OXTR: variants seen among roughly 807,000 people sequenced by gnomAD.
OXTR encodes the protein oxytocin receptor.
OXTR carries 19 observed loss-of-function variants against 23.9 expected under a neutral mutation model. That is an observed-to-expected ratio of 0.80 (90% CI 0.56 to 1.17). The LOEUF (loss-of-function observed/expected upper bound fraction) is 1.17, where lower values mean the gene tolerates loss of function less well. OXTR is among the 50% of genes most tolerant of loss of function. The pLI, the probability that OXTR is intolerant of heterozygous loss-of-function variation, is 0.00. For synonymous variants in OXTR, 278 were observed against 250.5 expected, an observed-to-expected ratio of 1.11 and a Z score of -1.04; for missense variants, 500 against 550.7, an observed-to-expected ratio of 0.91 and a Z score of 0.92.
At position 8,753,116 on chromosome 3, in the gene OXTR, A is replaced by C; in HGVS notation, c.1031T>G (p.Phe344Cys). 6.2e-7 allele frequency: 1 copy of C among 1,614,152 alleles called. No homozygotes were observed. The highest frequency in any genetic ancestry group is 8.5e-7 in the Non-Finnish European group (1 of 1,180,026). ...GHLFHELVQRFLCCSASYLKG... is the reference protein window; with the variant it reads ...GHLFHELVQRCLCCSASYLKG... ...CAGGTAGCTGGCGGAGCAGCACAGG[A>C]AGCGCTGCACGAGTTCGTGGAAGAG... is the stretch of plus-strand genomic sequence containing the variant. Residue 344 changes from phenylalanine to cysteine, a missense_variant, in exon 4 of 4, where the codon TTC becomes TGC. Physicochemically the swap from Phe to Cys is radical, Grantham distance 205. Transcript: ENST00000316793.
chr3:8,745,849 G>A (rs1575478070), downstream of OXTR: 7 of 1,612,398 alleles, frequency 4.3e-6, no homozygotes, highest in Admixed American at 6.7e-5. This position sits in a 1 kb window ranked among gnomAD's most constrained non-coding sequence, Gnocchi z 4.8. Context: ...TCAAGGTGGT[G>A]CTGCGGAAGG....
downstream of OXTR, among the ~76,000 whole-genome samples, chr3:8,749,291 C>T (rs1422185057): frequency 2.0e-5 from 3 of 152,144 alleles, no homozygotes; most frequent in Admixed American, 6.5e-5. Flanking sequence ...CCAATGTACC[C>T]GCCAGAGCTT....
rs1194781809 is a variant in OXTR at position 8,768,125 on chromosome 3, C to G, written c.63G>C (p.Pro21=). Residue 21 remains proline (P), a synonymous_variant, in exon 3 of 4, where the codon CCG becomes CCC. Coordinates refer to ENST00000316793, the MANE Select transcript of OXTR (RefSeq NM_000916.4). This position sits in a 1 kb window ranked among gnomAD's most constrained non-coding sequence, Gnocchi z 5.4. The stretch of plus-strand genomic sequence containing the variant: ...CGGCGGTGCGGTTGCCCTCGGCCCC[C>G]GGCGGCGCGGCGCTGGCGTTGGCTG... ...AEAANASAAP[P]GAEGNRTAGP... The G allele has an allele frequency of 1.5e-6, 2 of 1,356,040 alleles. No homozygotes were observed. Among genetic ancestry groups the G allele is most frequent in the Non-Finnish European group, 1.9e-6 (2 of 1,062,334 alleles). 84.0% of individuals were successfully genotyped at this position (1,356,040 alleles called of 1,614,324 possible).
chr3:8,742,453 A>T, the OXTR span: 1 of 456,406 alleles, frequency 2.2e-6, no homozygotes, highest in Non-Finnish European at 4.4e-6. Context: ...TAAGTACTGT[A>T]CTTACTACTG....
At chr3:8,742,538 C>A in the OXTR span, 1 of 454,528 alleles carries the variant, frequency 2.2e-6, no homozygotes, top group Non-Finnish European at 4.4e-6. Flanking sequence ...ACTAAGTAGG[C>A]TGGAGAATAA....
intron 3 of OXTR, among the ~76,000 whole-genome samples, chr3:8,763,216 C>A (rs1048113161): frequency 6.6e-6 from 1 of 152,192 alleles, no homozygotes; most frequent in Non-Finnish European, 1.5e-5. Context: ...ATTCCCTCCA[C>A]CCAGGCTCAA....
At chr3:8,745,470 A>T, downstream of OXTR, 1 of 1,417,932 alleles carries the variant, frequency 7.1e-7, no homozygotes, top group Non-Finnish European at 1.0e-6. The surrounding 1 kb of genome is among the most constrained non-coding windows in gnomAD (Gnocchi z 4.8). Context: ...CACACCCAAA[A>T]GCTTGAGAAG....
chr3:8,758,216 G>A (rs1488217909), intron 3 of OXTR, among the ~76,000 whole-genome samples: 1 of 151,998 alleles, frequency 6.6e-6, no homozygotes, highest in Non-Finnish European at 1.5e-5. Flanking sequence ...CTTTCCTCAA[G>A]CCCCAAGAAC....
At chr3:8,765,947 C>T (rs947925151) in intron 3 of OXTR, among the ~76,000 whole-genome samples, 17 of 152,254 alleles carry the variant, frequency 1.1e-4, no homozygotes, top group Admixed American at 1.1e-3. Context: ...TCAGAAAGGA[C>T]CAAAGCAAAG....
At chr3:8,743,153 GA>G in the OXTR span, among the ~76,000 whole-genome samples, 22 of 152,252 alleles carry the variant, frequency 1.4e-4, no homozygotes, top group African/African-American at 5.3e-4. Context: ...CCGCCCCCAT[GA>G]CCCAAACACC....
At chr3:8,744,438 C>T in the OXTR span, among the ~76,000 whole-genome samples, 10 of 148,018 alleles carry the variant, frequency 6.8e-5, no homozygotes. Context: ...GCTGCCATAC[C>T]CGGCTAATTT....
chr3:8,747,046 C>CT (rs148842787), downstream of OXTR, among the ~76,000 whole-genome samples: 1,849 of 149,572 alleles, frequency 0.012, 29 homozygotes, highest in African/African-American at 0.041. Context: ...CCTATCTGAC[C>CT]TTTTTTTTTT....
At chr3:8,745,336 C>T in the OXTR span, among the ~76,000 whole-genome samples, 1 of 152,194 alleles carries the variant, frequency 6.6e-6, no homozygotes. The surrounding 1 kb of genome is among the most constrained non-coding windows in gnomAD (Gnocchi z 4.8). Flanking sequence ...AATTAAACCT[C>T]CTTTCTTTAT....
chr3:8,769,014 G>A (rs1002671418), intron 1 of OXTR, among the ~76,000 whole-genome samples: 6 of 152,182 alleles, frequency 3.9e-5, no homozygotes, highest in Admixed American at 2.0e-4. Flanking sequence ...TCCCCAGCCC[G>A]GCAGCCTCGA....
intron 3 of OXTR, among the ~76,000 whole-genome samples, chr3:8,755,603 G>C (rs1437783382): frequency 1.3e-5 from 2 of 152,230 alleles, no homozygotes; most frequent in African/African-American, 2.4e-5. Flanking sequence ...GGTGGGAGAA[G>C]TCTGGCCAGT....
At chr3:8,764,763 G>C (rs545891447) in intron 3 of OXTR, among the ~76,000 whole-genome samples, 1 of 152,310 alleles carries the variant, frequency 6.6e-6, no homozygotes, top group Admixed American at 6.5e-5. Flanking sequence ...CTCACATCTG[G>C]ACTGGGCTCC....
chr3:8,743,742 C>T, the OXTR span, among the ~76,000 whole-genome samples: 1 of 152,172 alleles, frequency 6.6e-6, no homozygotes, highest in Admixed American at 6.5e-5. Context: ...GCTAAAGTCA[C>T]ATGAGAAAAG....
chr3:8,767,971 G>A lies in OXTR; in HGVS notation c.217C>T (p.Arg73Cys), dbSNP rs1363142055. ...AGGTGCTTCATGAAGAAGAAGAGGC[G>A]CGAGTGCTTCTGGCGTGTGGTGCGC... is the stretch of plus-strand genomic sequence containing the variant. ...ALRTTRQKHS[R>C]LFFFMKHLSI... Residue 73 changes from arginine to cysteine, a missense_variant, in exon 3 of 4, where the codon CGC (arginine) becomes TGC (cysteine). Physicochemically the swap from Arg to Cys is radical, Grantham distance 180 (BLOSUM62 -3). Transcript: ENST00000316793. 1 of 1,612,538 alleles carries A rather than the reference G, an allele frequency of 6.2e-7. No individual in the cohort carries two copies. The highest frequency in any genetic ancestry group is 1.7e-4 in the Middle Eastern group (1 of 6,058).
downstream of OXTR, chr3:8,745,519 C>T: frequency 6.2e-7 from 1 of 1,611,662 alleles, no homozygotes; most frequent in East Asian, 2.2e-5. The surrounding 1 kb of genome is among the most constrained non-coding windows in gnomAD (Gnocchi z 4.8). Flanking sequence ...CCTTGCCACC[C>T]CTGCAGGTGG....
Sources: allele counts gnomAD v4.1 joint callset (sites outside exome capture counted in the v4.1 genomes callset), GRCh38; gene constraint gnomAD v4.1.1; non-coding constraint Gnocchi (gnomAD v3.1); transcripts MANE v1.5; gene names NCBI Gene and HGNC (gene_info 2026-07-23, HGNC 2026-07-21).